DPYD: variants seen among roughly 807,000 people sequenced by gnomAD.
DPYD encodes the protein dihydropyrimidine dehydrogenase [NADP(+)].
DPYD carries 109 observed loss-of-function variants against 116.2 expected under a neutral mutation model. The observed-to-expected ratio is 0.94, with a 90% CI of 0.80 to 1.10. The LOEUF (loss-of-function observed/expected upper bound fraction) is 1.10. DPYD is among the 50% of genes least tolerant of loss of function. The pLI, the probability that DPYD is intolerant of heterozygous loss-of-function variation, is 0.00. For missense variants in DPYD, 1,302 were observed against 1,254.5 expected, an observed-to-expected ratio of 1.04 and a Z score of -0.57; for synonymous variants, 440 against 432.0, an observed-to-expected ratio of 1.02 and a Z score of -0.23.
intron 20 of DPYD, among the ~76,000 whole-genome samples, 180 bp downstream of exon 20, chr1:97,192,889 A>G (rs1415917533): frequency 6.6e-6 from 1 of 152,188 alleles, no homozygotes; most frequent in Admixed American, 6.5e-5. Flanking sequence ...ATAAAAAGGT[A>G]ACTCACAGAC....
At chr1:97,812,504 G>A (rs913182409) in intron 3 of DPYD, among the ~76,000 whole-genome samples, 1 of 151,986 alleles carries the variant, frequency 6.6e-6, no homozygotes. Context: ...TTTTTCCAAA[G>A]TACATTTTTA....
rs78785108 is a variant in DPYD, at chr1:97,551,855, A to C, written c.1340-2111T>G. Among the ~76,000 whole-genome samples, 37 of 152,288 alleles carry C rather than the reference A, an allele frequency of 2.4e-4. 1 individual carries two copies. In the East Asian group the frequency reaches 7.1e-3, roughly 29 times the overall value. ...GTTTATGTCTGTACTGAACGTGTAC[A>C]TACTTTTTTCTTTCCATTATTCCCT... is the stretch of plus-strand genomic sequence containing the variant. On this transcript the variant is annotated intron_variant, in intron 11 of 22. Transcript: ENST00000370192.
chr1:97,911,967 A>C (rs1014932986), intron 1 of DPYD, among the ~76,000 whole-genome samples: 1 of 152,066 alleles, frequency 6.6e-6, no homozygotes, highest in Non-Finnish European at 1.5e-5. Flanking sequence ...CTCCAGAAAG[A>C]AACGCTATTA....
intron 3 of DPYD, among the ~76,000 whole-genome samples, chr1:97,752,830 T>C (rs1185457477): frequency 6.6e-6 from 1 of 152,198 alleles, no homozygotes; most frequent in Non-Finnish European, 1.5e-5. Context: ...ACTTTTCTAG[T>C]CTATCTTCTA....
intron 20 of DPYD, among the ~76,000 whole-genome samples, chr1:97,170,068 C>T (rs1656611219): frequency 6.6e-6 from 1 of 152,170 alleles, no homozygotes; most frequent in South Asian, 2.1e-4. Flanking sequence ...AATATGCAGG[C>T]ATACATACAG....
chr1:97,553,076 G>T (rs896126564), intron 11 of DPYD, among the ~76,000 whole-genome samples: 5 of 151,790 alleles, frequency 3.3e-5, no homozygotes, highest in African/African-American at 1.2e-4. Flanking sequence ...TCTTTCAGTA[G>T]CCCTAAGCAC....
intron 5 of DPYD, among the ~76,000 whole-genome samples, chr1:97,707,875 G>A (rs1305611699): frequency 6.6e-6 from 1 of 152,056 alleles, no homozygotes; most frequent in African/African-American, 2.4e-5. Context: ...TGGGTTGTAA[G>A]AGACTTTTGG....
At chr1:97,451,447 G>T (rs1369034335) in intron 13 of DPYD, among the ~76,000 whole-genome samples, 1 of 152,100 alleles carries the variant, frequency 6.6e-6, no homozygotes, top group South Asian at 2.1e-4. Flanking sequence ...AAAATAAATG[G>T]TATAAATGTT....
intron 10 of DPYD, among the ~76,000 whole-genome samples, chr1:97,591,470 T>C (rs1654514806): frequency 6.6e-6 from 1 of 152,180 alleles, no homozygotes; most frequent in East Asian, 1.9e-4. Context: ...AATGTAGTTT[T>C]AATAAATGAA....
At chr1:97,419,739 A>C (rs1674480515) in intron 14 of DPYD, among the ~76,000 whole-genome samples, 1 of 152,200 alleles carries the variant, frequency 6.6e-6, no homozygotes, top group African/African-American at 2.4e-5. Context: ...TACCACAGTA[A>C]ACATGGGTTT....
chr1:97,673,534 C>G (rs550369088), intron 8 of DPYD, among the ~76,000 whole-genome samples: 1 of 152,118 alleles, frequency 6.6e-6, no homozygotes, highest in East Asian at 1.9e-4. Flanking sequence ...TACTATGTAC[C>G]CGCCACTTTG....
intron 1 of DPYD, among the ~76,000 whole-genome samples, chr1:97,908,992 C>T (rs2101702330): frequency 6.6e-6 from 1 of 152,278 alleles, no homozygotes; most frequent in East Asian, 1.9e-4. Flanking sequence ...GGATGGAGAA[C>T]AATCCACTAT....
intron 13 of DPYD, among the ~76,000 whole-genome samples, chr1:97,469,337 C>T (rs773187935): frequency 1.5e-5 from 2 of 132,552 alleles, no homozygotes; most frequent in African/African-American, 2.8e-5. Flanking sequence ...TTTATATACA[C>T]TGCAGCCTTC....
chr1:97,664,428 T>C (rs1389194004), intron 8 of DPYD, among the ~76,000 whole-genome samples: 1 of 151,978 alleles, frequency 6.6e-6, no homozygotes, highest in Non-Finnish European at 1.5e-5. Flanking sequence ...AGTTTAGTAC[T>C]TTAAACTATA....
At chr1:97,400,350 C>T (rs1166792616) in intron 14 of DPYD, among the ~76,000 whole-genome samples, 9 of 152,128 alleles carry the variant, frequency 5.9e-5, no homozygotes. Context: ...ATTCAGTTTG[C>T]CAGTATTTTA....
Position 97,078,922 on chromosome 1 carries a change from G to C in DPYD, c.*54C>G, listed in dbSNP as rs1468945797. 1 of 1,582,816 alleles carries C rather than the reference G, an allele frequency of 6.3e-7. No individual in the cohort carries two copies. Among genetic ancestry groups the C allele is most frequent in the Non-Finnish European group, 8.7e-7 (1 of 1,151,926 alleles). Reference sequence around the variant, plus strand: ...GAACACAAGGATCATGATTTTAAAAGATCAGCATATGTAGGTGACATGAAA... The same window carrying C: ...GAACACAAGGATCATGATTTTAAAACATCAGCATATGTAGGTGACATGAAA... On this transcript the variant is annotated 3_prime_UTR_variant, in exon 23 of 23. Coordinates refer to ENST00000370192, the MANE Select transcript of DPYD (RefSeq NM_000110.4).
chr1:97,194,770 T>C (rs1032328539), intron 19 of DPYD, among the ~76,000 whole-genome samples: 2 of 152,168 alleles, frequency 1.3e-5, no homozygotes, highest in Non-Finnish European at 2.9e-5. Flanking sequence ...CCCAAAGTGC[T>C]GGGATTACAG....
At chr1:97,351,803 T>C (rs531990506) in intron 16 of DPYD, among the ~76,000 whole-genome samples, 10 of 151,818 alleles carry the variant, frequency 6.6e-5, no homozygotes, top group African/African-American at 1.9e-4. Context: ...AGGAAATCAG[T>C]CAGGCAAATA....
intron 11 of DPYD, among the ~76,000 whole-genome samples, chr1:97,555,099 A>ACCTTAGTC (rs1651596183): frequency 6.6e-6 from 1 of 151,976 alleles, no homozygotes; most frequent in Admixed American, 6.6e-5. Context: ...AAATTCTGTG[A>ACCTTAGTC]CCTTAGTCTT....
Sources: allele counts gnomAD v4.1 joint callset (sites outside exome capture counted in the v4.1 genomes callset), GRCh38; gene constraint gnomAD v4.1.1; transcripts MANE v1.5; gene names NCBI Gene and HGNC (gene_info 2026-07-23, HGNC 2026-07-21).